The following ANKRA2 variants were observed in gnomAD, a reference collection of about 807,000 sequenced individuals.
The protein encoded by ANKRA2 is ankyrin repeat family A member 2.
ANKRA2 carries 33 observed loss-of-function variants against 37.8 expected under a neutral mutation model. That is an observed-to-expected ratio of 0.87 (90% confidence interval 0.66 to 1.17). The LOEUF is 1.17. ANKRA2 is among the 50% of genes most tolerant of loss of function. ANKRA2 has a pLI of 0.00. For synonymous variants in ANKRA2, 126 were observed against 132.3 expected, an observed-to-expected ratio of 0.95 and a Z score of 0.33; for missense variants, 326 against 373.7, an observed-to-expected ratio of 0.87 and a Z score of 1.05.
intron 4 of ANKRA2, among the ~76,000 whole-genome samples, chr5:73,556,368 C>A (rs1357015436): frequency 6.6e-6 from 1 of 152,178 alleles, no homozygotes; most frequent in Non-Finnish European, 1.5e-5. Flanking sequence ...CAAAATAAAA[C>A]TCTTTGATCA....
Position 73,562,803 on chromosome 5 carries a change from T to C in ANKRA2, c.79A>G (p.Met27Val). ...ECPSTYSLTGMPDIKIEHPLD... is the reference protein window; with the variant it reads ...ECPSTYSLTGVPDIKIEHPLD... ...GGATGTTCTATTTTAATGTCTGGCATGCCAGTTAGGCTATAAGTGCTGGGA... is the reference window on the plus strand; with the variant it reads ...GGATGTTCTATTTTAATGTCTGGCACGCCAGTTAGGCTATAAGTGCTGGGA... Residue 27 changes from methionine to valine, a missense_variant, in exon 2 of 9, where the codon ATG becomes GTG. By Grantham distance (21) the Met-to-Val change is conservative. Coordinates refer to ENST00000296785, the MANE Select transcript of ANKRA2 (RefSeq NM_023039.5). 2 of 1,614,214 alleles carry C rather than the reference T, an allele frequency of 1.2e-6. No individual in the cohort carries two copies. Among genetic ancestry groups the C allele is most frequent in the Non-Finnish European group, 1.7e-6 (2 of 1,180,032 alleles).
Position 73,563,663 on chromosome 5 carries a change from G to T in ANKRA2, c.-104-678C>A, listed in dbSNP as rs114694393. Among the ~76,000 whole-genome samples, 408 of 152,256 alleles carry T rather than the reference G, an allele frequency of 2.7e-3. 3 individuals are homozygous for T. Among genetic ancestry groups the T allele is most frequent in the Middle Eastern group, 0.02 (6 of 294 alleles). ...AATAAAGTAGGTAGATTATGGATTG[G>T]CTTTCCAAGATGTATAGTTGTCTTA... On this transcript the variant is annotated intron_variant, in intron 1 of 8. Coordinates refer to ENST00000296785, the MANE Select transcript of ANKRA2 (RefSeq NM_023039.5).
rs1449158754 is a variant in ANKRA2, at chr5:73,561,120, A to G, written c.448+10T>C. On this transcript the variant is annotated intron_variant, in intron 3 of 8. Transcript: ENST00000296785. ...AAGAATATAGTAATACATCAGTGGCAAATACTTACAATTTGCTAACAGAGG... is the reference window on the plus strand; with the variant it reads ...AAGAATATAGTAATACATCAGTGGCGAATACTTACAATTTGCTAACAGAGG... 6.2e-7 allele frequency: 1 copy of G among 1,604,960 alleles called. No individual in the cohort carries two copies. Among genetic ancestry groups the G allele is most frequent in the Admixed American group, 1.8e-5 (1 of 56,778 alleles).
In ANKRA2 at chr5:73,552,457, G is replaced by C. The variant is rs1317125304; in HGVS notation, c.*340C>G. 4 of 178,086 alleles carry C rather than the reference G, an allele frequency of 2.2e-5. No homozygotes were observed. Among genetic ancestry groups the C allele is most frequent in the Non-Finnish European group, 2.3e-5 (2 of 85,898 alleles). The allele number at this position is 178,086 out of a possible 1,614,324, so 11.0% of individuals were successfully genotyped here. A position where few individuals can be genotyped will look rare whatever the true frequency, so the allele number is the denominator to read the frequency against. Reference sequence around the variant, plus strand: ...ATTTATAGCAAACCCTATATAAAGTGAATGACTTAATACACGAGTGAAGAT... The same window carrying C: ...ATTTATAGCAAACCCTATATAAAGTCAATGACTTAATACACGAGTGAAGAT... On this transcript the variant is annotated 3_prime_UTR_variant, in exon 9 of 9. Coordinates refer to ENST00000296785, the MANE Select transcript of ANKRA2 (RefSeq NM_023039.5).
intron 3 of ANKRA2, among the ~76,000 whole-genome samples, chr5:73,560,414 G>A (rs1325676811): frequency 6.6e-6 from 1 of 152,004 alleles, no homozygotes; most frequent in African/African-American, 2.4e-5. Flanking sequence ...AGGCTGGAGT[G>A]CAATGGTGCT....
Position 73,552,606 on chromosome 5 carries a change from C to T in ANKRA2, c.*191G>A, listed in dbSNP as rs1267324256. ...ACATTAATTTATAATTTTAAATATA[C>T]AGTAAAACATAGTTATAAAAAGAGT... On this transcript the variant is annotated 3_prime_UTR_variant, in exon 9 of 9. Transcript: ENST00000296785. 2 of 494,454 alleles carry T rather than the reference C, an allele frequency of 4.0e-6. No homozygotes were observed. The highest frequency in any genetic ancestry group is 2.0e-5 in the African/African-American group (1 of 49,064). 30.6% of individuals were successfully genotyped at this position (494,454 alleles called of 1,614,324 possible).
At chr5:73,556,456 C>G (rs1384019353) in intron 4 of ANKRA2, among the ~76,000 whole-genome samples, 1 of 152,178 alleles carries the variant, frequency 6.6e-6, no homozygotes, top group African/African-American at 2.4e-5. Flanking sequence ...ACAGCTCAAT[C>G]TTTACTTCAT....
rs1465474280 is a variant in ANKRA2, at chr5:73,562,831, C to G, written c.51G>C (p.Glu17Asp). 2 of 1,613,816 alleles carry G rather than the reference C, an allele frequency of 1.2e-6. No individual in the cohort carries two copies. The highest frequency in any genetic ancestry group is 2.2e-5 in the South Asian group (2 of 91,046). Residue 17 changes from glutamate (E) to aspartate (D), a missense_variant, in exon 2 of 9, where the codon GAG becomes GAC. Glu to Asp is a conservative substitution (Grantham distance 45, BLOSUM62 2). This residue lies in a region of ANKRA2 where 93 missense variants were observed against 91.1 expected (regional missense o/e 1.02). Transcript: ENST00000296785. ...CAGTTAGGCTATAAGTGCTGGGACA[C>G]TCTTCCACGATAAGCTGGGCTCCAA... ...LDIGAQLIVE[E>D]CPSTYSLTGM...
At chr5:73,554,414 G>A (rs777806507) in intron 6 of ANKRA2, 26 bp from the exon 7 acceptor site, 12 of 1,523,478 alleles carry the variant, frequency 7.9e-6, no homozygotes, top group Non-Finnish European at 1.1e-5. Context: ...GTGATTCAGA[G>A]TTTTTCACGG....
rs1747272937 is a variant in ANKRA2 at position 73,552,232 on chromosome 5, T to C, written c.*565A>G. The stretch of plus-strand genomic sequence containing the variant: ...ATTCAGTTTATTTTAATTACATATA[T>C]TGTTTGATCTAATGAAGTGTTACGG... On this transcript the variant is annotated 3_prime_UTR_variant, in exon 9 of 9. Transcript: ENST00000296785. The C allele has an allele frequency of 1.3e-5, 2 of 152,380 alleles. No homozygotes were observed. 9.4% of individuals were successfully genotyped at this position (152,380 alleles called of 1,614,324 possible). A position where few individuals can be genotyped will look rare whatever the true frequency, so the allele number is the denominator to read the frequency against.
At chr5:73,554,792 C>T in intron 6 of ANKRA2, 69 bp downstream of exon 6, 1 of 1,520,744 alleles carries the variant, frequency 6.6e-7, no homozygotes, top group Admixed American at 1.8e-5. Context: ...AAACTTACTG[C>T]ATCTCTCCCA....
rs765771767 is a variant in ANKRA2, at chr5:73,562,850, G to C, written c.32C>G (p.Ala11Gly). MDTSTNLDIG[A>G]QLIVEECPST... ...GGGACACTCTTCCACGATAAGCTGG[G>C]CTCCAATATCCAGATTTGTTGATGT... Residue 11 changes from alanine (A) to glycine (G), a missense_variant, in exon 2 of 9, where the codon GCC becomes GGC. Ala to Gly is a moderately conservative substitution (Grantham distance 60). Around this residue, in one of 3 missense-constraint regions of ANKRA2, gnomAD observed 93 missense variants for 91.1 expected, o/e 1.02. Coordinates refer to ENST00000296785, the MANE Select transcript of ANKRA2 (RefSeq NM_023039.5). 6.2e-7 allele frequency: 1 copy of C among 1,612,112 alleles called. No individual in the cohort carries two copies. The highest frequency in any genetic ancestry group is 1.1e-5 in the South Asian group (1 of 90,890).
intron 5 of ANKRA2, 103 bp downstream of exon 5, chr5:73,555,385 G>A (rs1239960018): frequency 2.7e-6 from 4 of 1,484,896 alleles, no homozygotes; most frequent in Non-Finnish European, 3.6e-6. Flanking sequence ...ACTTTTTTTG[G>A]TAGCCTCTAC....
Position 73,555,555 on chromosome 5 carries a change from CCTT to C in ANKRA2, c.542_544del (p.Glu181del), listed in dbSNP as rs765628651. On this transcript the variant is annotated inframe_deletion, in exon 5 of 9. Coordinates refer to ENST00000296785, the MANE Select transcript of ANKRA2 (RefSeq NM_023039.5). ...TGCAGCCCACATCAGAGGAGTAAATCCTTCTTCATCCGTGTGATTGATAACATT... is the reference window on the plus strand; with the variant it reads ...TGCAGCCCACATCAGAGGAGTAAATCCTTCATCCGTGTGATTGATAACATT... 1.9e-6 allele frequency: 3 copies of C among 1,613,948 alleles called. No individual in the cohort carries two copies. The Admixed American group carries it at 5.0e-5, about 27-fold the overall frequency.
Position 73,562,644 on chromosome 5 carries a change from T to C in ANKRA2, c.238A>G (p.Ile80Val). The C allele has an allele frequency of 6.2e-7, 1 of 1,614,208 alleles. No homozygotes were observed. Among genetic ancestry groups the C allele is most frequent in the Non-Finnish European group, 8.5e-7 (1 of 1,180,024 alleles). Residue 80 changes from isoleucine (I) to valine (V), a missense_variant, in exon 2 of 9, where the codon ATT (isoleucine) becomes GTT (valine). Physicochemically the swap from Ile to Val is conservative, Grantham distance 29 (BLOSUM62 3). This residue lies in a region of ANKRA2 where 5 missense variants were observed against 22.4 expected (regional missense o/e 0.22). Coordinates refer to ENST00000296785, the MANE Select transcript of ANKRA2 (RefSeq NM_023039.5). Reference protein sequence around the residue: ...KSLNEEDSKNIQDQVNSDLEV... With the variant: ...KSLNEEDSKNVQDQVNSDLEV... Reference sequence around the variant, plus strand: ...AGGTCAGAGTTAACCTGATCTTGAATATTTTTACTATCTTCTTCATTTAAG... The same window carrying C: ...AGGTCAGAGTTAACCTGATCTTGAACATTTTTACTATCTTCTTCATTTAAG...
At chr5:73,564,225 T>A (rs985241558) in intron 1 of ANKRA2, among the ~76,000 whole-genome samples, 1 of 152,232 alleles carries the variant, frequency 6.6e-6, no homozygotes, top group South Asian at 2.1e-4. Flanking sequence ...AATGCATTAG[T>A]CCATGCGTCT....
rs562174150 is a variant in ANKRA2, at chr5:73,553,550, G to A, written c.806-64C>T. On this transcript the variant is annotated intron_variant, in intron 7 of 8. Coordinates refer to ENST00000296785, the MANE Select transcript of ANKRA2 (RefSeq NM_023039.5). The stretch of plus-strand genomic sequence containing the variant: ...ATGCAGATATGTTTGTCTGTTATTG[G>A]CTCATGTACAAATAGCTGGAGAGAT... 7.6e-4 allele frequency: 1,030 copies of A among 1,350,182 alleles called. 10 individuals carry two copies. Among genetic ancestry groups the A allele is most frequent in the South Asian group, 2.2e-3 (188 of 83,686 alleles). 83.6% of individuals were successfully genotyped at this position (1,350,182 alleles called of 1,614,324 possible). A position where few individuals can be genotyped will look rare whatever the true frequency, so the allele number is the denominator to read the frequency against.
intron 3 of ANKRA2, among the ~76,000 whole-genome samples, chr5:73,560,126 G>C (rs1747507706): frequency 6.6e-6 from 1 of 151,962 alleles, no homozygotes; most frequent in Admixed American, 6.6e-5. Context: ...AAAACTACTA[G>C]GACATCACTT....
Position 73,565,199 on chromosome 5 carries a change from A to C in ANKRA2, c.-172T>G, listed in dbSNP as rs1747696856. 6.6e-6 allele frequency: 1 copy of C among 152,124 alleles called. No homozygotes were observed. Among genetic ancestry groups the C allele is most frequent in the Non-Finnish European group, 1.5e-5 (1 of 68,030 alleles). 9.4% of individuals were successfully genotyped at this position (152,124 alleles called of 1,614,324 possible). On this transcript the variant is annotated 5_prime_UTR_variant, in exon 1 of 9. Transcript: ENST00000296785. ...CTCCCGCTGGAGGGGAGACTCTTGC[A>C]GGAAAGAAAGTCCGTTCTGTCGCCA...
Sources: gnomAD v4.1 joint callset for allele counts (sites outside exome capture counted in the v4.1 genomes callset) on GRCh38, gnomAD v4.1.1 for gene constraint, gnomAD v4.1.1 regional missense constraint, MANE v1.5 for transcripts, NCBI Gene and HGNC (gene_info 2026-07-23, HGNC 2026-07-21) for gene names.